MYO3B: variants seen among roughly 807,000 people sequenced by gnomAD.
The protein encoded by MYO3B is myosin-IIIb.
Under a neutral mutation model 174.6 loss-of-function variants are expected in MYO3B, and 156 were observed. The observed-to-expected ratio is 0.89, with a 90% CI of 0.78 to 1.02. The LOEUF (loss-of-function observed/expected upper bound fraction) is 1.02, where lower values mean the gene tolerates loss of function less well. Ranked by LOEUF, MYO3B falls within the 50% of genes least tolerant of loss-of-function variation. MYO3B has a pLI of 0.00. For synonymous variants in MYO3B, 563 were observed against 569.1 expected (o/e 0.99, Z 0.15); for missense variants, 1,632 against 1,639.4 (o/e 1.00, Z 0.08).
In MYO3B at chr2:170,498,807, C is replaced by G. The variant is rs1687044821; in HGVS notation, c.3126+104C>G. Reference sequence around the variant, plus strand: ...TCTGTAAGTTGTGTAGCTTAGCAAACAAGACTCCAACGTAACAATGGTCTT... The same window carrying G: ...TCTGTAAGTTGTGTAGCTTAGCAAAGAAGACTCCAACGTAACAATGGTCTT... On this transcript the variant is annotated intron_variant, in intron 26 of 34. Coordinates refer to ENST00000408978, the MANE Select transcript of MYO3B (RefSeq NM_138995.5). 9.6e-6 allele frequency: 7 copies of G among 725,810 alleles called. No homozygotes were observed. In the South Asian group the frequency reaches 1.2e-4, roughly 13 times the overall value. 45.0% of individuals were successfully genotyped at this position (725,810 alleles called of 1,614,324 possible).
At chr2:170,333,306 G>A (rs2093924801) in intron 7 of MYO3B, among the ~76,000 whole-genome samples, 1 of 152,198 alleles carries the variant, frequency 6.6e-6, no homozygotes, top group East Asian at 1.9e-4. Flanking sequence ...GAACTTATGT[G>A]ATGGTGGTAC....
chr2:170,466,628 C>G lies in MYO3B; in HGVS notation c.2931C>G (p.Leu977=), dbSNP rs746768929. The change falls in exon 25 of 35, where the codon CTC becomes CTG. Residue 977 remains leucine (L), a synonymous_variant. Coordinates refer to ENST00000408978, the MANE Select transcript of MYO3B (RefSeq NM_138995.5). ...QFSRERVLAQ[L]RSTGILETVS... The stretch of plus-strand genomic sequence containing the variant: ...CTCGAGAGAGGGTGCTGGCCCAGCT[C>G]CGCTCCACAGGGATTCTGGAGACAG... 12 of 1,614,228 alleles carry G rather than the reference C, an allele frequency of 7.4e-6. No individual in the cohort carries two copies. Among genetic ancestry groups the G allele is most frequent in the Non-Finnish European group, 1.0e-5 (12 of 1,180,048 alleles).
intron 32 of MYO3B, among the ~76,000 whole-genome samples, chr2:170,636,017 G>A (rs892719721): frequency 2.0e-5 from 3 of 152,158 alleles, no homozygotes; most frequent in African/African-American, 7.2e-5. Flanking sequence ...AAGCAAAGCT[G>A]TCTGTTTTTT....
intron 7 of MYO3B, among the ~76,000 whole-genome samples, chr2:170,250,052 A>G (rs1304917596): frequency 2.6e-5 from 4 of 152,190 alleles, no homozygotes; most frequent in Admixed American, 2.6e-4. Context: ...AAAAAATTCA[A>G]AATTACCATG....
chr2:170,259,835 C>A (rs1209768427), intron 7 of MYO3B, among the ~76,000 whole-genome samples: 1 of 151,960 alleles, frequency 6.6e-6, no homozygotes, highest in Non-Finnish European at 1.5e-5. Context: ...GGTCAAATAT[C>A]CAGAATGTGT....
At chr2:170,553,369 G>A (rs1013503859) in intron 32 of MYO3B, among the ~76,000 whole-genome samples, 13 of 152,194 alleles carry the variant, frequency 8.5e-5, no homozygotes, top group Non-Finnish European at 1.9e-4. Context: ...CATCAGTGTG[G>A]CCTGGATATG....
At chr2:170,382,343 A>T (rs1042775369) in intron 10 of MYO3B, 3 of 374,426 alleles carry the variant, frequency 8.0e-6, no homozygotes, top group African/African-American at 6.0e-5. Flanking sequence ...TTTTTGCAAT[A>T]AAGCTCTTTA....
At chr2:170,221,015 G>C (rs891985902) in intron 6 of MYO3B, among the ~76,000 whole-genome samples, 1 of 152,126 alleles carries the variant, frequency 6.6e-6, no homozygotes, top group Non-Finnish European at 1.5e-5. Flanking sequence ...ATGTCCACAA[G>C]AACAACCTTC....
chr2:170,301,930 G>A (rs2093668518), intron 7 of MYO3B, among the ~76,000 whole-genome samples: 1 of 136,552 alleles, frequency 7.3e-6, no homozygotes, highest in Admixed American at 8.3e-5. Flanking sequence ...TCAGTCACTG[G>A]CTTGATAATT....
intron 30 of MYO3B, 49 bp downstream of exon 30, chr2:170,519,589 T>C (rs375670346): frequency 9.0e-5 from 123 of 1,363,150 alleles, no homozygotes; most frequent in Middle Eastern, 1.8e-4. Flanking sequence ...AGGTGCTCCA[T>C]TCTAATGGAT....
At chr2:170,490,838 A>G (rs1686421395) in intron 25 of MYO3B, among the ~76,000 whole-genome samples, 1 of 152,078 alleles carries the variant, frequency 6.6e-6, no homozygotes, top group African/African-American at 2.4e-5. Context: ...GCTTATTGGT[A>G]TGGCATAAAG....
intron 32 of MYO3B, among the ~76,000 whole-genome samples, chr2:170,632,900 C>A (rs1697134531): frequency 7.7e-6 from 1 of 129,680 alleles, no homozygotes; most frequent in East Asian, 2.9e-4. Flanking sequence ...TGGATAAATT[C>A]CTCGACACTT....
intron 32 of MYO3B, among the ~76,000 whole-genome samples, chr2:170,637,265 G>A (rs138935948): frequency 1.5e-3 from 226 of 151,132 alleles, no homozygotes; most frequent in African/African-American, 5.3e-3. Context: ...TCTGCCTCCC[G>A]GGTTCAAGCG....
chr2:170,223,306 C>G (rs1180924401), intron 6 of MYO3B, among the ~76,000 whole-genome samples: 1 of 152,182 alleles, frequency 6.6e-6, no homozygotes, highest in Non-Finnish European at 1.5e-5. Context: ...TGTTTATTAT[C>G]TCTTTTCTCC....
At chr2:170,505,238 A>G (rs1181882271) in intron 28 of MYO3B, among the ~76,000 whole-genome samples, 1 of 151,972 alleles carries the variant, frequency 6.6e-6, no homozygotes, top group Non-Finnish European at 1.5e-5. Context: ...GAGCAAAGGT[A>G]TTGTCTATCA....
At chr2:170,630,650 G>A (rs1164844978) in intron 32 of MYO3B, among the ~76,000 whole-genome samples, 3 of 152,204 alleles carry the variant, frequency 2.0e-5, no homozygotes, top group African/African-American at 7.2e-5. Flanking sequence ...TCCCAGTAGA[G>A]GCCGACTGAC....
intron 9 of MYO3B, among the ~76,000 whole-genome samples, chr2:170,371,806 T>A (rs2105695630): frequency 6.6e-6 from 1 of 151,842 alleles, no homozygotes; most frequent in Middle Eastern, 3.4e-3. Context: ...ATGTGGTGAT[T>A]AAAACCACTG....
At chr2:170,560,755 ACT>A (rs2106251429) in intron 32 of MYO3B, among the ~76,000 whole-genome samples, 2 of 152,300 alleles carry the variant, frequency 1.3e-5, no homozygotes, top group South Asian at 4.1e-4. Flanking sequence ...TAAATGGCAA[ACT>A]CTGCATTTGT....
At chr2:170,342,622 T>C (rs6728385) in intron 8 of MYO3B, among the ~76,000 whole-genome samples, 76,254 of 152,070 alleles carry the variant, frequency 0.5, 21,071 homozygotes, top group East Asian at 0.66. Flanking sequence ...AATTACATAA[T>C]GTATATGTAG....
Sources: allele counts gnomAD v4.1 joint callset (sites outside exome capture counted in the v4.1 genomes callset), GRCh38; gene constraint gnomAD v4.1.1; transcripts MANE v1.5; gene names NCBI Gene and HGNC (gene_info 2026-07-23, HGNC 2026-07-21).